The following SLC13A1 variants were observed in gnomAD, a reference collection of about 807,000 sequenced individuals.
SLC13A1 encodes the protein Na(+)/sulfate cotransporter.
Under a neutral mutation model 70.0 loss-of-function variants are expected in SLC13A1, and 65 were observed. That is an observed-to-expected ratio of 0.93 (90% confidence interval 0.76 to 1.14). The LOEUF (loss-of-function observed/expected upper bound fraction) is 1.14. Among genes scored for constraint, SLC13A1 ranks in the 50% most tolerant of loss-of-function variants. SLC13A1 has a pLI of 0.00. For missense variants in SLC13A1, 726 were observed against 717.8 expected, an observed-to-expected ratio of 1.01 and a Z score of -0.13; for synonymous variants, 275 against 250.5, an observed-to-expected ratio of 1.10 and a Z score of -0.92.
chr7:123,160,847 A>G (rs1794870635), intron 6 of SLC13A1, among the ~76,000 whole-genome samples: 1 of 152,146 alleles, frequency 6.6e-6, no homozygotes, highest in Non-Finnish European at 1.5e-5. Context: ...AGTGAAAAAA[A>G]TCTAGTATAA....
At chr7:123,156,302 T>C (rs1794711463) in intron 6 of SLC13A1, among the ~76,000 whole-genome samples, 1 of 152,172 alleles carries the variant, frequency 6.6e-6, no homozygotes, top group South Asian at 2.1e-4. Flanking sequence ...CTTGTTTTAA[T>C]GAAGACTTAG....
intron 7 of SLC13A1, among the ~76,000 whole-genome samples, chr7:123,142,660 G>GAATCTTACTCTATTGCCC (rs1794197504): frequency 7.5e-6 from 1 of 132,690 alleles, no homozygotes; most frequent in African/African-American, 2.9e-5. Flanking sequence ...TTTTTTGATG[G>GAATCTTACTCTATTGCCC]AGGCTGGAGT....
intron 7 of SLC13A1, among the ~76,000 whole-genome samples, chr7:123,144,297 G>T (rs1794270497): frequency 6.6e-6 from 1 of 152,146 alleles, no homozygotes. Context: ...ACATAGAAAT[G>T]GGTCTGATCA....
chr7:123,185,629 A>T (rs529080524), intron 1 of SLC13A1, among the ~76,000 whole-genome samples: 3 of 152,124 alleles, frequency 2.0e-5, no homozygotes, highest in Admixed American at 2.0e-4. Flanking sequence ...CTATGGTTTA[A>T]TTGGTCCACA....
rs1353241697 is a variant in SLC13A1 at position 123,113,583 on chromosome 7, C to A, written c.*1935G>T. The A allele has an allele frequency of 3.9e-5, 6 of 152,024 alleles. No homozygotes were observed. Among genetic ancestry groups the A allele is most frequent in the Non-Finnish European group, 8.8e-5 (6 of 67,992 alleles). The allele number at this position is 152,024 out of a possible 1,614,324, so 9.4% of individuals were successfully genotyped here. A position where few individuals can be genotyped will look rare whatever the true frequency, so the allele number is the denominator to read the frequency against. On this transcript the variant is annotated 3_prime_UTR_variant, in exon 15 of 15. Transcript: ENST00000194130. The stretch of plus-strand genomic sequence containing the variant: ...TTCATAATAAAAATGCATCCATGAT[C>A]TGATGCAATTCAGCAGTGATAAATT...
At chr7:123,162,244 TA>T (rs1794939262) in intron 6 of SLC13A1, among the ~76,000 whole-genome samples, 1 of 152,110 alleles carries the variant, frequency 6.6e-6, no homozygotes. Flanking sequence ...TTGTATTTCA[TA>T]AAATAAAGAT....
intron 2 of SLC13A1, among the ~76,000 whole-genome samples, chr7:123,173,258 C>T (rs1022052017): frequency 5.3e-5 from 8 of 151,986 alleles, no homozygotes; most frequent in Admixed American, 3.9e-4. Context: ...AGCTTGGCTT[C>T]GTTTCGATAA....
At chr7:123,154,361 T>C (rs897884183) in intron 6 of SLC13A1, among the ~76,000 whole-genome samples, 2 of 152,136 alleles carry the variant, frequency 1.3e-5, no homozygotes, top group African/African-American at 4.8e-5. Flanking sequence ...TATGAGGACA[T>C]GACCGAATGC....
chr7:123,167,667 T>A (rs974892866), intron 6 of SLC13A1, among the ~76,000 whole-genome samples: 1 of 152,178 alleles, frequency 6.6e-6, no homozygotes, highest in African/African-American at 2.4e-5. Flanking sequence ...AAATGAATTC[T>A]ATGGGATAGT....
At chr7:123,167,313 A>C (rs1585365514) in intron 6 of SLC13A1, among the ~76,000 whole-genome samples, 1 of 152,350 alleles carries the variant, frequency 6.6e-6, no homozygotes, top group East Asian at 1.9e-4. Context: ...CTATCTCTAA[A>C]GATAATATCT....
At chr7:123,173,722 C>T (rs1460279430) in intron 2 of SLC13A1, among the ~76,000 whole-genome samples, 2 of 152,108 alleles carry the variant, frequency 1.3e-5, no homozygotes, top group African/African-American at 4.8e-5. Context: ...CAAACCAGGA[C>T]TCTATTTTGC....
intron 7 of SLC13A1, among the ~76,000 whole-genome samples, chr7:123,134,940 GA>G (rs1793905069): frequency 2.0e-5 from 3 of 152,158 alleles, no homozygotes; most frequent in Non-Finnish European, 4.4e-5. Context: ...GGGAACAGGT[GA>G]AAATTAGTGG....
At position 123,169,273 on chromosome 7, in the gene SLC13A1, G is replaced by C. The variant is rs141937240; in HGVS notation, c.428C>G (p.Thr143Arg). The C allele has an allele frequency of 6.2e-7, 1 of 1,613,918 alleles. No individual in the cohort carries two copies. Among genetic ancestry groups the C allele is most frequent in the East Asian group, 2.2e-5 (1 of 44,856 alleles). Reference sequence around the variant, plus strand: ...CGCAATGGGCATCACCATGGCAGCCGTCGAGGTGTTGCTGAGCCACATAGA... The same window carrying C: ...CGCAATGGGCATCACCATGGCAGCCCTCGAGGTGTTGCTGAGCCACATAGA... Reference protein sequence around the residue: ...FLSMWLSNTSTAAMVMPIAEA... With the variant: ...FLSMWLSNTSRAAMVMPIAEA... The change falls in exon 4 of 15, where the codon ACG (threonine) becomes AGG (arginine). Residue 143 changes from threonine to arginine, a missense_variant. Thr to Arg is a moderately conservative substitution (Grantham distance 71). Transcript: ENST00000194130.
intron 1 of SLC13A1, among the ~76,000 whole-genome samples, chr7:123,184,713 A>G (rs527275918): frequency 5.9e-5 from 9 of 151,890 alleles, no homozygotes; most frequent in Admixed American, 5.2e-4. Context: ...TTCTTTATCC[A>G]TTCATCTGTT....
intron 7 of SLC13A1, among the ~76,000 whole-genome samples, chr7:123,135,596 T>C (rs1031957212): frequency 1.3e-5 from 2 of 152,148 alleles, no homozygotes; most frequent in African/African-American, 4.8e-5. Context: ...TACTTTGTCA[T>C]TTAAAAATCA....
At position 123,114,118 on chromosome 7, in the gene SLC13A1, A is replaced by AT. The variant is rs1268624027; in HGVS notation, c.*1399dup. The stretch of plus-strand genomic sequence containing the variant: ...AAAAAAAAAAAAAAAGCAAAGGTTT[A>AT]TTTTTTGCTTTGTCTTTTGTTGTAT... On this transcript the variant is annotated 3_prime_UTR_variant, in exon 15 of 15. Transcript: ENST00000194130. 2 of 137,438 alleles carry AT rather than the reference A, an allele frequency of 1.5e-5. No individual in the cohort carries two copies. Among genetic ancestry groups the AT allele is most frequent in the East Asian group, 2.2e-4 (1 of 4,576 alleles). 8.5% of individuals were successfully genotyped at this position (137,438 alleles called of 1,614,324 possible). A position where few individuals can be genotyped will look rare whatever the true frequency, so the allele number is the denominator to read the frequency against.
At chr7:123,183,807 C>T (rs1009751063) in intron 1 of SLC13A1, among the ~76,000 whole-genome samples, 2 of 152,168 alleles carry the variant, frequency 1.3e-5, no homozygotes, top group African/African-American at 4.8e-5. Context: ...TGGTTCCATA[C>T]ACTTGCTTCC....
intron 6 of SLC13A1, among the ~76,000 whole-genome samples, chr7:123,162,783 A>G (rs530411784): frequency 1.3e-5 from 2 of 152,230 alleles, no homozygotes; most frequent in African/African-American, 4.8e-5. Flanking sequence ...GAGAACATTA[A>G]AAAGTGTTGT....
rs188977233 is a variant in SLC13A1, at chr7:123,196,646, T to A, written c.99+3202A>T. On this transcript the variant is annotated intron_variant, in intron 1 of 14. Coordinates refer to ENST00000194130, the MANE Select transcript of SLC13A1 (RefSeq NM_022444.4). Reference sequence around the variant, plus strand: ...AATGACATCCTTATAGCTTCAGTTCTCATAAGCCTATCTTCAGTGGTTAGA... The same window carrying A: ...AATGACATCCTTATAGCTTCAGTTCACATAAGCCTATCTTCAGTGGTTAGA... Among the ~76,000 whole-genome samples the A allele has an allele frequency of 2.5e-3, 383 of 152,224 alleles. 2 individuals are homozygous for A. Among genetic ancestry groups the A allele is most frequent in the African/African-American group, 8.9e-3 (371 of 41,566 alleles).
Sources: allele counts gnomAD v4.1 joint callset (sites outside exome capture counted in the v4.1 genomes callset), GRCh38; gene constraint gnomAD v4.1.1; transcripts MANE v1.5; gene names NCBI Gene and HGNC (gene_info 2026-07-23, HGNC 2026-07-21).